The following TBRG1 variants were observed in gnomAD, a reference collection of about 807,000 sequenced individuals.
TBRG1 encodes the protein transforming growth factor beta regulator 1.
Under a neutral mutation model 44.0 loss-of-function variants are expected in TBRG1, and 31 were observed. The ratio of observed to expected loss-of-function variants is 0.70; its 90% CI spans 0.53 to 0.95. The LOEUF is 0.95. Ranked by LOEUF, TBRG1 falls within the 40% of genes least tolerant of loss-of-function variation. The probability of loss-of-function intolerance (pLI) is 0.00; values close to 1 mark genes in which losing one functional copy is unlikely to be tolerated. For synonymous variants in TBRG1, 171 were observed against 188.1 expected (o/e 0.91, Z 0.74); for missense variants, 487 against 496.1 (o/e 0.98, Z 0.18).
Position 124,631,264 on chromosome 11 carries a change from T to C in TBRG1, c.948-11T>C. 6.4e-7 allele frequency: 1 copy of C among 1,555,114 alleles called. No homozygotes were observed. On this transcript the variant is annotated splice_polypyrimidine_tract_variant and intron_variant, in intron 7 of 8. Transcript: ENST00000441174. ...GATAACTCTCAAGGGTGATTTCCCT[T>C]GATTCTGCAGTTACCAGTGGGTGAA...
rs371417335 is a variant in TBRG1 at position 124,631,297 on chromosome 11, G to T, written c.970G>T (p.Val324Leu). 28 of 1,589,098 alleles carry T rather than the reference G, an allele frequency of 1.8e-5. No individual in the cohort carries two copies. The highest frequency in any genetic ancestry group is 2.3e-5 in the Non-Finnish European group (27 of 1,169,236). Reference sequence around the variant, plus strand: ...CAGTTACCAGTGGGTGAAATTTGATGTGTGCAAACCTGGAGATGGGCAGCT... The same window carrying T: ...CAGTTACCAGTGGGTGAAATTTGATTTGTGCAAACCTGGAGATGGGCAGCT... ...CINYQWVKFD[V>L]CKPGDGQLPE... Residue 324 changes from valine to leucine, a missense_variant, in exon 8 of 9, where the codon GTG (valine) becomes TTG (leucine). Transcript: ENST00000441174.
At chr11:124,624,363 C>CAAAA (rs61352898) in intron 1 of TBRG1, among the ~76,000 whole-genome samples, 7 of 83,560 alleles carry the variant, frequency 8.4e-5, no homozygotes, top group South Asian at 4.7e-4. Flanking sequence ...TCATCATTTA[C>CAAAA]AAAAAAAAAA....
Position 124,624,912 on chromosome 11 carries a change from T to C in TBRG1, c.151-19T>C, listed in dbSNP as rs1403058846. On this transcript the variant is annotated intron_variant, in intron 1 of 8. Transcript: ENST00000441174. ...TTTTTATTCATTTTATGTTATTATA[T>C]TCACATTTTTACTTAAAGGAAAATG... The C allele has an allele frequency of 3.4e-6, 5 of 1,461,208 alleles. No individual in the cohort carries two copies. In the African/African-American group the frequency reaches 7.1e-5, roughly 21 times the overall value. The allele number at this position is 1,461,208 out of a possible 1,614,324, so 90.5% of individuals were successfully genotyped here. A position where few individuals can be genotyped will look rare whatever the true frequency, so the allele number is the denominator to read the frequency against.
chr11:124,629,285 G>A (rs1027590876), intron 5 of TBRG1, among the ~76,000 whole-genome samples: 5 of 151,822 alleles, frequency 3.3e-5, no homozygotes, highest in Admixed American at 6.6e-5. Context: ...CTTGCAGTGA[G>A]CCAAGATCAC....
Position 124,623,048 on chromosome 11 carries a change from G to A in TBRG1, c.-36G>A, listed in dbSNP as rs1457698050. The A allele has an allele frequency of 6.7e-7, 1 of 1,501,732 alleles. No individual in the cohort carries two copies. The highest frequency in any genetic ancestry group is 8.9e-7 in the Non-Finnish European group (1 of 1,126,216). 93.0% of individuals were successfully genotyped at this position (1,501,732 alleles called of 1,614,324 possible). A position where few individuals can be genotyped will look rare whatever the true frequency, so the allele number is the denominator to read the frequency against. Reference sequence around the variant, plus strand: ...GCTCCCCGACTTAGGATCCGATGCCGGCAGCGTCCTGGGGCCCCCGTAGCG... The same window carrying A: ...GCTCCCCGACTTAGGATCCGATGCCAGCAGCGTCCTGGGGCCCCCGTAGCG... On this transcript the variant is annotated 5_prime_UTR_variant, in exon 1 of 9. Coordinates refer to ENST00000441174, the MANE Select transcript of TBRG1 (RefSeq NM_032811.3).
Position 124,633,212 on chromosome 11 carries a change from T to C in TBRG1, c.*974T>C, listed in dbSNP as rs975002687. On this transcript the variant is annotated 3_prime_UTR_variant, in exon 9 of 9. Coordinates refer to ENST00000441174, the MANE Select transcript of TBRG1 (RefSeq NM_032811.3). The stretch of plus-strand genomic sequence containing the variant: ...TATGATAACACAAATTCACATATAA[T>C]TGGGGGTTAGTCCCATACTCTATAA... 1 of 152,234 alleles carries C rather than the reference T, an allele frequency of 6.6e-6. No homozygotes were observed. Among genetic ancestry groups the C allele is most frequent in the African/African-American group, 2.4e-5 (1 of 41,466 alleles). The allele number at this position is 152,234 out of a possible 1,614,324, so 9.4% of individuals were successfully genotyped here. A position where few individuals can be genotyped will look rare whatever the true frequency, so the allele number is the denominator to read the frequency against.
intron 5 of TBRG1, among the ~76,000 whole-genome samples, chr11:124,628,062 G>GTT (rs1276170977): frequency 2.2e-4 from 18 of 83,434 alleles, no homozygotes; most frequent in South Asian, 9.5e-4. Context: ...TCAAGTAGCT[G>GTT]TTTTATATAT....
In TBRG1 at chr11:124,631,419, T is replaced by C; in HGVS notation, c.1090+2T>C. ...ATCAGAATGATCCCCTTCTGCCAGGTATCTTTAACTTTACCTTTCTGGTTT... is the reference window on the plus strand; with the variant it reads ...ATCAGAATGATCCCCTTCTGCCAGGCATCTTTAACTTTACCTTTCTGGTTT... On this transcript the variant is annotated splice_donor_variant, in intron 8 of 8. Coordinates refer to ENST00000441174, the MANE Select transcript of TBRG1 (RefSeq NM_032811.3). LOFTEE classifies it high-confidence loss of function. 6.2e-7 allele frequency: 1 copy of C among 1,613,896 alleles called. No homozygotes were observed.
At chr11:124,627,349 G>C (rs1222452913) in intron 5 of TBRG1, among the ~76,000 whole-genome samples, 1 of 152,206 alleles carries the variant, frequency 6.6e-6, no homozygotes, top group Non-Finnish European at 1.5e-5. Flanking sequence ...GTGAGGTACA[G>C]GCCAAAATAG....
intron 5 of TBRG1, among the ~76,000 whole-genome samples, chr11:124,628,313 T>A: frequency 6.7e-6 from 1 of 149,448 alleles, no homozygotes. Context: ...AATCTTAGGG[T>A]GAGATGAAAA....
In TBRG1 at chr11:124,624,198, G is replaced by A. The variant is rs113911880; in HGVS notation, c.151-733G>A. 2.3e-3 allele frequency among the ~76,000 whole-genome samples: 352 copies of A among 152,088 alleles called. 2 individuals are homozygous for A. Among genetic ancestry groups the A allele is most frequent in the African/African-American group, 7.6e-3 (314 of 41,502 alleles). The stretch of plus-strand genomic sequence containing the variant: ...AAGGTACCTAAAGCTTGGAATTTAT[G>A]TTATTTCAAGGATATTGGTTCCATC... On this transcript the variant is annotated intron_variant, in intron 1 of 8. Transcript: ENST00000441174.
intron 1 of TBRG1, 52 bp downstream of exon 1, chr11:124,623,285 A>G: frequency 1.3e-6 from 2 of 1,544,964 alleles, no homozygotes; most frequent in Admixed American, 2.0e-5. Flanking sequence ...CCCTCACAAA[A>G]TCTTTCCCCA....
chr11:124,628,968 T>C (rs1942548435), intron 5 of TBRG1, among the ~76,000 whole-genome samples: 1 of 152,134 alleles, frequency 6.6e-6, no homozygotes, highest in Non-Finnish European at 1.5e-5. Context: ...GTAAAATATA[T>C]CCACCGTTGT....
intron 5 of TBRG1, among the ~76,000 whole-genome samples, chr11:124,628,502 T>C (rs1179846379): frequency 1.4e-5 from 2 of 141,688 alleles, no homozygotes; most frequent in African/African-American, 5.3e-5. Flanking sequence ...AGTGCTCCTG[T>C]AGAGTAGGAA....
At chr11:124,625,631 C>T (rs769918181) in intron 2 of TBRG1, 40 bp from the exon 3 acceptor site, 20 of 1,524,860 alleles carry the variant, frequency 1.3e-5, no homozygotes, top group African/African-American at 9.7e-5. Context: ...TGAGACAATA[C>T]GGAAGTTCAT....
In TBRG1 at chr11:124,622,873, ACAGAC is replaced by A; in HGVS notation, c.-210_-206del. On this transcript the variant is annotated 5_prime_UTR_variant, in exon 1 of 9. Transcript: ENST00000441174. Reference sequence around the variant, plus strand: ...CTTCCGGGAAGGGCTTACTTCCAAGACAGACACGGAAGTGCTGGGAGGCGCCGGGA... The same window carrying A: ...CTTCCGGGAAGGGCTTACTTCCAAGAACGGAAGTGCTGGGAGGCGCCGGGA... 3.6e-6 allele frequency: 2 copies of A among 553,536 alleles called. No individual in the cohort carries two copies. The highest frequency in any genetic ancestry group is 2.4e-5 in the South Asian group (1 of 41,424). 34.3% of individuals were successfully genotyped at this position (553,536 alleles called of 1,614,324 possible). A position where few individuals can be genotyped will look rare whatever the true frequency, so the allele number is the denominator to read the frequency against.
intron 1 of TBRG1, among the ~76,000 whole-genome samples, chr11:124,623,680 C>T (rs1485530463): frequency 6.6e-6 from 1 of 152,194 alleles, no homozygotes; most frequent in Non-Finnish European, 1.5e-5. Flanking sequence ...CGTTTTATGA[C>T]TTCCAGTACA....
Position 124,622,898 on chromosome 11 carries a change from C to T in TBRG1, c.-186C>T, listed in dbSNP as rs993005978. On this transcript the variant is annotated 5_prime_UTR_variant, in exon 1 of 9. Transcript: ENST00000441174. ...ACAGACACGGAAGTGCTGGGAGGCG[C>T]CGGGAGCCCGTTCGGTTGCGGGTGT... The T allele has an allele frequency of 5.1e-5, 31 of 611,846 alleles. No individual in the cohort carries two copies. The highest frequency in any genetic ancestry group is 4.0e-4 in the South Asian group (18 of 45,388). 37.9% of individuals were successfully genotyped at this position (611,846 alleles called of 1,614,324 possible).
At chr11:124,631,156 T>C (rs561595679) in intron 7 of TBRG1, 119 bp from the exon 8 acceptor site, 7 of 984,628 alleles carry the variant, frequency 7.1e-6, no homozygotes, top group South Asian at 3.7e-5. Context: ...TTAGCAAATA[T>C]GTGTTTTAGA....
Sources: allele counts gnomAD v4.1 joint callset (sites outside exome capture counted in the v4.1 genomes callset), GRCh38; gene constraint gnomAD v4.1.1; transcripts MANE v1.5; gene names NCBI Gene and HGNC (gene_info 2026-07-23, HGNC 2026-07-21).